DAPK2: variants seen among roughly 807,000 people sequenced by gnomAD.
The protein encoded by DAPK2 is death associated protein kinase 2.
In DAPK2, 35 loss-of-function variants were observed where a neutral mutation model predicts 44.1. That is an observed-to-expected ratio of 0.79 (90% confidence interval 0.61 to 1.05). The LOEUF is 1.05. DAPK2 is among the 50% of genes least tolerant of loss of function. DAPK2 has a pLI of 0.00. For missense variants in DAPK2, 453 were observed against 483.2 expected (o/e 0.94, Z 0.59); for synonymous variants, 174 against 182.6 (o/e 0.95, Z 0.38).
intron 10 of DAPK2, chr15:63,911,661 T>C: frequency 1.9e-6 from 1 of 532,156 alleles, no homozygotes. Context: ...CAGGAAAGGA[T>C]GGGAGATCCT....
intron 2 of DAPK2, among the ~76,000 whole-genome samples, chr15:63,972,292 T>C (rs1336034823): frequency 6.6e-6 from 1 of 152,158 alleles, no homozygotes; most frequent in Non-Finnish European, 1.5e-5. Context: ...CCTAAAAATG[T>C]GGAAGCTGCT....
At chr15:64,023,774 G>A (rs983830317) in intron 1 of DAPK2, among the ~76,000 whole-genome samples, 12 of 152,162 alleles carry the variant, frequency 7.9e-5, no homozygotes, top group Admixed American at 3.3e-4. Flanking sequence ...CACGTGCCAC[G>A]CTATGTCCCT....
chr15:63,986,726 T>C (rs556770209), intron 1 of DAPK2, among the ~76,000 whole-genome samples: 1 of 152,286 alleles, frequency 6.6e-6, no homozygotes, highest in Non-Finnish European at 1.5e-5. Flanking sequence ...AGGCCACACA[T>C]TGATATTGCC....
intron 1 of DAPK2, among the ~76,000 whole-genome samples, chr15:64,018,086 A>G (rs2079580557): frequency 2.0e-5 from 3 of 152,190 alleles, no homozygotes; most frequent in African/African-American, 4.8e-5. Flanking sequence ...ACACACCACA[A>G]TTTGGCCTCT....
chr15:63,929,944 G>A (rs1413704675), intron 5 of DAPK2: 2 of 450,398 alleles, frequency 4.4e-6, no homozygotes, highest in East Asian at 5.0e-5. Context: ...GGTAACAAAG[G>A]TGCTTGGCCA....
At chr15:63,935,530 T>C (rs2077118840) in intron 4 of DAPK2, 7 of 152,216 alleles carry the variant, frequency 4.6e-5, no homozygotes, top group Admixed American at 4.6e-4. Context: ...CTAATTATTG[T>C]TCTTTTGCAG....
At chr15:63,915,762 C>A (rs533851205) in intron 8 of DAPK2, among the ~76,000 whole-genome samples, 1 of 152,320 alleles carries the variant, frequency 6.6e-6, no homozygotes, top group East Asian at 1.9e-4. Flanking sequence ...GAGGAGGCAG[C>A]ATGGGGCTAT....
At chr15:63,954,368 G>A (rs992337596) in intron 3 of DAPK2, among the ~76,000 whole-genome samples, 1 of 152,090 alleles carries the variant, frequency 6.6e-6, no homozygotes, top group Non-Finnish European at 1.5e-5. Flanking sequence ...TCTGTATGTG[G>A]ATATGTAGTT....
intron 3 of DAPK2, among the ~76,000 whole-genome samples, chr15:63,941,164 G>T (rs990952719): frequency 2.6e-5 from 4 of 152,206 alleles, no homozygotes; most frequent in African/African-American, 9.7e-5. Flanking sequence ...TGCCTGGAAA[G>T]CCTTCTGTTC....
intron 8 of DAPK2, among the ~76,000 whole-genome samples, chr15:63,924,207 G>C (rs1271955129): frequency 2.6e-5 from 4 of 152,156 alleles, no homozygotes; most frequent in African/African-American, 4.8e-5. Context: ...CAGCTGACTG[G>C]AAAGCCAGCA....
chr15:63,936,186 G>T (rs1484335771), intron 4 of DAPK2, among the ~76,000 whole-genome samples: 1 of 152,216 alleles, frequency 6.6e-6, no homozygotes, highest in Admixed American at 6.5e-5. Flanking sequence ...GTGGCGACAA[G>T]TGCACTTGCC....
At chr15:63,924,344 T>C (rs2079177120) in intron 8 of DAPK2, among the ~76,000 whole-genome samples, 1 of 152,086 alleles carries the variant, frequency 6.6e-6, no homozygotes, top group Non-Finnish European at 1.5e-5. Context: ...TCAGGCCCCA[T>C]TCCTCAGGGC....
intron 2 of DAPK2, among the ~76,000 whole-genome samples, chr15:63,978,725 A>G (rs75254500): frequency 7.0e-4 from 107 of 152,094 alleles, no homozygotes; most frequent in African/African-American, 2.5e-3. Flanking sequence ...GCCACCCCCC[A>G]TCTCCTTCCA....
chr15:63,927,847 C>A (rs12907405), intron 6 of DAPK2, among the ~76,000 whole-genome samples: 3 of 151,796 alleles, frequency 2.0e-5, no homozygotes, highest in African/African-American at 7.3e-5. Flanking sequence ...GATCCTCCAG[C>A]GATCCTCCTG....
chr15:63,952,391 T>A (rs561994177), intron 3 of DAPK2, among the ~76,000 whole-genome samples: 1 of 152,204 alleles, frequency 6.6e-6, no homozygotes, highest in South Asian at 2.1e-4. Flanking sequence ...AGGAAATCCA[T>A]GAGCAGAAAA....
At chr15:63,981,605 GT>G (rs1429543321) in intron 2 of DAPK2, among the ~76,000 whole-genome samples, 2 of 151,796 alleles carry the variant, frequency 1.3e-5, no homozygotes. Flanking sequence ...ATAAATAGCT[GT>G]GTTTGGGTTG....
chr15:63,974,676 C>T (rs1022583519), intron 2 of DAPK2, among the ~76,000 whole-genome samples: 12 of 152,170 alleles, frequency 7.9e-5, no homozygotes, highest in African/African-American at 2.4e-4. Context: ...GTGCTAGACT[C>T]TCAGCTAATC....
At chr15:64,018,045 T>TG (rs1463754640) in intron 1 of DAPK2, among the ~76,000 whole-genome samples, 1 of 152,186 alleles carries the variant, frequency 6.6e-6, no homozygotes, top group Non-Finnish European at 1.5e-5. Context: ...CTCAGCTGCC[T>TG]GGCCCAAAAA....
chr15:63,940,715 T>TAATA (rs569302011), intron 3 of DAPK2, among the ~76,000 whole-genome samples: 7,673 of 151,472 alleles, frequency 0.051, 615 homozygotes, highest in African/African-American at 0.17. Flanking sequence ...CTGTCTCAAT[T>TAATA]AATAAATAAA....
Sources: gnomAD v4.1 joint callset for allele counts (sites outside exome capture counted in the v4.1 genomes callset) on GRCh38, gnomAD v4.1.1 for gene constraint, MANE v1.5 for transcripts, NCBI Gene and HGNC (gene_info 2026-07-23, HGNC 2026-07-21) for gene names.